BCLAF1: variants seen among roughly 807,000 people sequenced by gnomAD.
BCLAF1 encodes the protein bcl-2-associated transcription factor 1.
In BCLAF1, 10 loss-of-function variants were observed where a neutral mutation model predicts 99.5. That is an observed-to-expected ratio of 0.10 (90% confidence interval 0.06 to 0.17). The LOEUF (loss-of-function observed/expected upper bound fraction) is 0.17. Among genes scored for constraint, BCLAF1 ranks in the 10% least tolerant of loss-of-function variants. The probability of loss-of-function intolerance (pLI) is 1.00; values close to 1 mark genes in which losing one functional copy is unlikely to be tolerated. For synonymous variants in BCLAF1, 255 were observed against 370.9 expected, an observed-to-expected ratio of 0.69 and a Z score of 3.59; for missense variants, 636 against 1,105.8, an observed-to-expected ratio of 0.58 and a Z score of 6.02.
At position 136,275,869 on chromosome 6, in the gene BCLAF1, T is replaced by C. The variant is rs771608191; in HGVS notation, c.1656A>G (p.Ala552=). The C allele has an allele frequency of 4.3e-6, 7 of 1,612,938 alleles. No individual in the cohort carries two copies. The African/African-American group carries it at 9.4e-5, about 22-fold the overall frequency. ...TGTTAGAATCATCAAGAGGAACAGG[T>C]GCCATTTTGAGTTTGACTTCAGGAC... is the stretch of plus-strand genomic sequence containing the variant. ...SHRPEVKLKM[A]PVPLDDSNRP... is the part of the protein sequence containing the mutation. The change falls in exon 5 of 13, where the codon GCA becomes GCG. Residue 552 remains alanine, a synonymous_variant. Transcript: ENST00000531224.
chr6:136,267,320 C>T (rs1326491302), intron 10 of BCLAF1, 145 bp from the exon 11 acceptor site: 2 of 973,352 alleles, frequency 2.1e-6, no homozygotes, highest in Non-Finnish European at 2.9e-6. Context: ...AAAGGATGGC[C>T]ATTTTATATC....
chr6:136,272,801 G>A (rs1402571627), intron 7 of BCLAF1, among the ~76,000 whole-genome samples: 3 of 151,708 alleles, frequency 2.0e-5, no homozygotes, highest in African/African-American at 7.3e-5. Flanking sequence ...GTAACTCTAG[G>A]CCTCCACTGC....
Position 136,258,690 on chromosome 6 carries a change from G to A in BCLAF1, c.*2420C>T, listed in dbSNP as rs1229402391. ...AATCGTTTAGCCATCTACATTCAATGTTACTGGGTAATATTTTTCTCAAAT... is the reference window on the plus strand; with the variant it reads ...AATCGTTTAGCCATCTACATTCAATATTACTGGGTAATATTTTTCTCAAAT... On this transcript the variant is annotated 3_prime_UTR_variant, in exon 13 of 13. Transcript: ENST00000531224. 2 of 152,480 alleles carry A rather than the reference G, an allele frequency of 1.3e-5. No homozygotes were observed. Among genetic ancestry groups the A allele is most frequent in the African/African-American group, 4.8e-5 (2 of 41,438 alleles). 9.4% of individuals were successfully genotyped at this position (152,480 alleles called of 1,614,324 possible).
At chr6:136,274,724 T>G (rs1054670061) in intron 6 of BCLAF1, among the ~76,000 whole-genome samples, 1 of 152,060 alleles carries the variant, frequency 6.6e-6, no homozygotes, top group African/African-American at 2.4e-5. Flanking sequence ...CATAGTAAGT[T>G]GCTTTTTAAA....
chr6:136,285,012 C>G (rs1168936124), intron 1 of BCLAF1, among the ~76,000 whole-genome samples: 1 of 151,926 alleles, frequency 6.6e-6, no homozygotes, highest in Non-Finnish European at 1.5e-5. Context: ...AAATTCAGGA[C>G]AGAAAGACCA....
intron 11 of BCLAF1, among the ~76,000 whole-genome samples, chr6:136,263,675 T>C (rs1195213580): frequency 6.6e-6 from 1 of 152,066 alleles, no homozygotes; most frequent in African/African-American, 2.4e-5. Flanking sequence ...TTCAAAGGAA[T>C]AATAACCAAA....
Position 136,260,939 on chromosome 6 carries a change from TAC to T in BCLAF1, c.*169_*170del, listed in dbSNP as rs1780882223. On this transcript the variant is annotated 3_prime_UTR_variant, in exon 13 of 13. Transcript: ENST00000531224. ...CTTTATTTCAGTACAATTTTCAACA[TAC>T]AGTCTACTATTTCTCAAGATATTTG... 1.6e-6 allele frequency: 1 copy of T among 621,012 alleles called. No homozygotes were observed. Among genetic ancestry groups the T allele is most frequent in the Non-Finnish European group, 2.7e-6 (1 of 374,334 alleles). 38.5% of individuals were successfully genotyped at this position (621,012 alleles called of 1,614,324 possible).
At chr6:136,287,267 G>A (rs1050941219) in intron 1 of BCLAF1, among the ~76,000 whole-genome samples, 14 of 152,088 alleles carry the variant, frequency 9.2e-5, no homozygotes, top group Non-Finnish European at 1.5e-4. Flanking sequence ...CCGAGATGGC[G>A]CCACTGCACT....
intron 4 of BCLAF1, among the ~76,000 whole-genome samples, chr6:136,277,584 A>G (rs1317260013): frequency 6.6e-6 from 1 of 152,130 alleles, no homozygotes; most frequent in Non-Finnish European, 1.5e-5. Context: ...GGAGTGCAGT[A>G]GGCGCAATCA....
chr6:136,286,237 C>T (rs1037642045), intron 1 of BCLAF1, among the ~76,000 whole-genome samples: 2 of 152,130 alleles, frequency 1.3e-5, no homozygotes, highest in African/African-American at 4.8e-5. Context: ...AGTTTGGTCC[C>T]CAGATTGTTG....
intron 1 of BCLAF1, among the ~76,000 whole-genome samples, chr6:136,286,507 G>C (rs899282430): frequency 6.6e-6 from 1 of 152,200 alleles, no homozygotes; most frequent in African/African-American, 2.4e-5. Flanking sequence ...TTTAATGTTT[G>C]GCCCGTGGTA....
At position 136,268,192 on chromosome 6, in the gene BCLAF1, A is replaced by G. The variant is rs761186475; in HGVS notation, c.2367T>C (p.Phe789=). ...TTCCTCGTGGTCGGCTAACTCCTGCAAAGCCTGAGTATTCTTTCATTTCAT... is the reference window on the plus strand; with the variant it reads ...TTCCTCGTGGTCGGCTAACTCCTGCGAAGCCTGAGTATTCTTTCATTTCAT... The part of the protein sequence containing the change: ...THHEMKEYSG[F]AGVSRPRGTF... Residue 789 remains phenylalanine, a synonymous_variant, in exon 10 of 13, where the codon TTT becomes TTC. Coordinates refer to ENST00000531224, the MANE Select transcript of BCLAF1 (RefSeq NM_014739.3). The G allele has an allele frequency of 1.3e-6, 2 of 1,550,900 alleles. No homozygotes were observed. Among genetic ancestry groups the G allele is most frequent in the Non-Finnish European group, 1.7e-6 (2 of 1,154,420 alleles).
chr6:136,265,394 C>T (rs1781579613), intron 11 of BCLAF1, among the ~76,000 whole-genome samples: 1 of 152,148 alleles, frequency 6.6e-6, no homozygotes, highest in Admixed American at 6.5e-5. Context: ...GATTTAGATT[C>T]CTTCCTCTCA....
intron 8 of BCLAF1, among the ~76,000 whole-genome samples, chr6:136,270,703 T>C (rs545828038): frequency 2.2e-4 from 33 of 151,978 alleles, no homozygotes; most frequent in African/African-American, 7.2e-4. Flanking sequence ...CATATTAACA[T>C]GTTATTCATC....
chr6:136,268,499 C>A, intron 9 of BCLAF1, 160 bp from the exon 10 acceptor site: 1 of 679,590 alleles, frequency 1.5e-6, no homozygotes, highest in Admixed American at 2.9e-5. Flanking sequence ...CAGTCTGTTT[C>A]CATTCTCCTT....
At position 136,277,921 on chromosome 6, in the gene BCLAF1, C is replaced by T. The variant is rs772559558; in HGVS notation, c.960G>A (p.Ser320=). The part of the protein sequence containing the change: ...APRDESRGRS[S]FYPDGGDQET... ...CCTGATCTCCACCATCAGGATAAAA[C>T]GAGGAACGGCCCCTAGACTCATCTC... The change falls in exon 4 of 13, where the codon TCG becomes TCA. Residue 320 remains serine, a synonymous_variant. Transcript: ENST00000531224. 12 of 1,573,852 alleles carry T rather than the reference C, an allele frequency of 7.6e-6. No homozygotes were observed. Among genetic ancestry groups the T allele is most frequent in the South Asian group, 2.4e-5 (2 of 83,718 alleles).
intron 11 of BCLAF1, among the ~76,000 whole-genome samples, chr6:136,262,715 A>T (rs997311478): frequency 1.3e-5 from 2 of 152,194 alleles, no homozygotes; most frequent in Non-Finnish European, 2.9e-5. Context: ...ACAAACCCAA[A>T]ATAAACTACT....
At chr6:136,271,151 T>A (rs547644997) in intron 8 of BCLAF1, among the ~76,000 whole-genome samples, 8 of 151,826 alleles carry the variant, frequency 5.3e-5, no homozygotes, top group Non-Finnish European at 7.4e-5. Context: ...GCAAAACAGA[T>A]GCATTCTCAT....
At chr6:136,263,288 G>C (rs1222457694) in intron 11 of BCLAF1, among the ~76,000 whole-genome samples, 1 of 152,004 alleles carries the variant, frequency 6.6e-6, no homozygotes, top group African/African-American at 2.4e-5. Context: ...TACCACACCA[G>C]GTAGCTAAGA....
Sources: allele counts gnomAD v4.1 joint callset (sites outside exome capture counted in the v4.1 genomes callset), GRCh38; gene constraint gnomAD v4.1.1; transcripts MANE v1.5; gene names NCBI Gene and HGNC (gene_info 2026-07-23, HGNC 2026-07-21).